Variants in ZNF367 observed in about 807,000 individuals in gnomAD.
The protein encoded by ZNF367 is zinc finger protein 367.
A neutral mutation model predicts 31.8 loss-of-function variants in ZNF367; 11 were observed. The observed-to-expected ratio is 0.35, with a 90% CI of 0.22 to 0.57. The LOEUF (loss-of-function observed/expected upper bound fraction) is 0.57, where lower values mean the gene tolerates loss of function less well. ZNF367 is among the 20% of genes least tolerant of loss of function. ZNF367 has a pLI of 0.85. For synonymous variants in ZNF367, 199 were observed against 202.4 expected, an observed-to-expected ratio of 0.98 and a Z score of 0.14; for missense variants, 353 against 484.1, an observed-to-expected ratio of 0.73 and a Z score of 2.54.
At chr9:96,397,392 C>A (rs1026034700) in intron 2 of ZNF367, among the ~76,000 whole-genome samples, 4 of 151,906 alleles carry the variant, frequency 2.6e-5, no homozygotes, top group Admixed American at 6.6e-5. Flanking sequence ...GTACCATAAT[C>A]TTGAGATGGC....
At chr9:96,416,801 T>G (rs1019179181) in intron 1 of ZNF367, among the ~76,000 whole-genome samples, 1 of 152,250 alleles carries the variant, frequency 6.6e-6, no homozygotes, top group Non-Finnish European at 1.5e-5. Context: ...GAAATACTCC[T>G]GGCTCACCTG....
chr9:96,417,694 C>T lies in ZNF367; in HGVS notation c.339G>A (p.Pro113=). Residue 113 remains proline (P), a synonymous_variant, in exon 1 of 5, where the codon CCG becomes CCA. Transcript: ENST00000375256. This position sits in a 1 kb window ranked among gnomAD's most constrained non-coding sequence, Gnocchi z 5.0. The stretch of plus-strand genomic sequence containing the variant: ...CGGCGGCGGAGGCCGAGGCGGCGGG[C>T]GGGGGCGCGCCCCGGCCACGAAGCC... The part of the protein sequence containing the change: ...HSGLRGRGAP[P]PAASASAAAS... 1.1e-5 allele frequency: 12 copies of T among 1,132,412 alleles called. No individual in the cohort carries two copies. The highest frequency in any genetic ancestry group is 1.2e-5 in the Non-Finnish European group (11 of 907,116). 70.1% of individuals were successfully genotyped at this position (1,132,412 alleles called of 1,614,324 possible).
At chr9:96,393,988 A>G (rs1831501590) in intron 3 of ZNF367, among the ~76,000 whole-genome samples, 1 of 152,246 alleles carries the variant, frequency 6.6e-6, no homozygotes, top group Admixed American at 6.5e-5. Flanking sequence ...CGGAACTTCA[A>G]ATATACTGTA....
Position 96,418,260 on chromosome 9 carries a change from C to T in ZNF367, c.-228G>A, listed in dbSNP as rs1163412110. On this transcript the variant is annotated 5_prime_UTR_variant, in exon 1 of 5. Transcript: ENST00000375256. ...AGCGCGCCCTCCGCTCTTTGTACTC[C>T]GCAGCGCAGGCTGCAGGGGTGGGAA... 3.7e-6 allele frequency: 2 copies of T among 539,276 alleles called. No individual in the cohort carries two copies. Among genetic ancestry groups the T allele is most frequent in the South Asian group, 1.9e-4 (2 of 10,810 alleles). 33.4% of individuals were successfully genotyped at this position (539,276 alleles called of 1,614,324 possible).
Position 96,410,580 on chromosome 9 carries a change from C to CA in ZNF367, c.420+7032dup, listed in dbSNP as rs1330244140. On this transcript the variant is annotated intron_variant, in intron 1 of 4. Coordinates refer to ENST00000375256, the MANE Select transcript of ZNF367 (RefSeq NM_153695.4). ...CCGTCTCAAAAAAAAAAAAAAAAAACAAAAAAAACCATAGACCAGGCACGG... is the reference window on the plus strand; with the variant it reads ...CCGTCTCAAAAAAAAAAAAAAAAAACAAAAAAAAACCATAGACCAGGCACGG... Among the ~76,000 whole-genome samples the CA allele has an allele frequency of 7.2e-4, 69 of 96,152 alleles. 1 individual carries two copies. In the South Asian group the frequency reaches 0.01, roughly 15 times the overall value. 63.1% of individuals were successfully genotyped at this position (96,152 alleles called of 152,430 possible). A position where few individuals can be genotyped will look rare whatever the true frequency, so the allele number is the denominator to read the frequency against.
intron 1 of ZNF367, among the ~76,000 whole-genome samples, chr9:96,410,357 C>T (rs1279621570): frequency 1.3e-5 from 2 of 149,810 alleles, no homozygotes; most frequent in South Asian, 4.2e-4. Flanking sequence ...GTCAGGAGAT[C>T]GAGACCATCC....
intron 1 of ZNF367, among the ~76,000 whole-genome samples, chr9:96,408,991 G>T (rs1029184085): frequency 1.2e-4 from 18 of 152,116 alleles, no homozygotes; most frequent in African/African-American, 3.9e-4. Flanking sequence ...AACGTGTCTG[G>T]GTCATAAAGA....
intron 1 of ZNF367, among the ~76,000 whole-genome samples, chr9:96,408,016 T>TAAATAAATAAATAAAC (rs927395008): frequency 6.9e-6 from 1 of 144,978 alleles, no homozygotes; most frequent in Non-Finnish European, 1.5e-5. Context: ...AATAAATAAA[T>TAAATAAATAAATAAAC]AAACGTTGGA....
chr9:96,408,227 A>T (rs920892061), intron 1 of ZNF367, among the ~76,000 whole-genome samples: 1 of 151,434 alleles, frequency 6.6e-6, no homozygotes, highest in Non-Finnish European at 1.5e-5. Flanking sequence ...AATAAATAAT[A>T]AATATTTTTT....
chr9:96,400,906 CAA>C (rs1392337094), intron 1 of ZNF367, among the ~76,000 whole-genome samples: 1 of 152,060 alleles, frequency 6.6e-6, no homozygotes, highest in Admixed American at 6.5e-5. Flanking sequence ...TGTCAAATGA[CAA>C]AAAGAATCTT....
chr9:96,410,431 G>C (rs1033926551), intron 1 of ZNF367, among the ~76,000 whole-genome samples: 1 of 150,128 alleles, frequency 6.7e-6, no homozygotes, highest in African/African-American at 2.5e-5. Flanking sequence ...GCGTGGTGGC[G>C]GGTGCCTGTA....
At chr9:96,414,989 G>GT (rs952429180) in intron 1 of ZNF367, among the ~76,000 whole-genome samples, 8 of 150,600 alleles carry the variant, frequency 5.3e-5, no homozygotes, top group East Asian at 1.9e-4. Context: ...CTAATTTAGT[G>GT]TTTTTTTTAA....
rs748682253 is a variant in ZNF367, at chr9:96,388,347, C to T, written c.943G>A (p.Asp315Asn). The part of the protein sequence containing the change: ...LEYLQSDEED[D>N]EKRGAQRRLQ... The stretch of plus-strand genomic sequence containing the variant: ...CGGCGCTGGGCCCCTCTCTTCTCGT[C>T]GTCCTCTTCATCAGACTGAAGGTAT... The change falls in exon 5 of 5, where the codon GAC (aspartate) becomes AAC (asparagine). Residue 315 changes from aspartate (D) to asparagine (N), a missense_variant. This residue lies in a region of ZNF367 where 101 missense variants were observed against 140.0 expected (regional missense o/e 0.72). Coordinates refer to ENST00000375256, the MANE Select transcript of ZNF367 (RefSeq NM_153695.4). 16 of 1,613,202 alleles carry T rather than the reference C, an allele frequency of 9.9e-6. No homozygotes were observed. Among genetic ancestry groups the T allele is most frequent in the Admixed American group, 8.3e-5 (5 of 60,004 alleles).
chr9:96,399,634 A>G (rs1019491417), intron 1 of ZNF367, among the ~76,000 whole-genome samples: 5 of 152,202 alleles, frequency 3.3e-5, no homozygotes, highest in African/African-American at 1.2e-4. Flanking sequence ...CCTGGCCAAC[A>G]TGGCGAAACC....
chr9:96,399,241 T>A (rs1039617006), intron 1 of ZNF367, among the ~76,000 whole-genome samples: 2 of 152,070 alleles, frequency 1.3e-5, no homozygotes, highest in South Asian at 4.1e-4. Flanking sequence ...AGTAGAGTTG[T>A]AAACAGCAGG....
rs935497120 is a variant in ZNF367, at chr9:96,417,365, G to C, written c.420+248C>G. Among the ~76,000 whole-genome samples, 13 of 151,958 alleles carry C rather than the reference G, an allele frequency of 8.6e-5. No homozygotes were observed. Among genetic ancestry groups the C allele is most frequent in the Non-Finnish European group, 8.8e-5 (6 of 67,956 alleles). ...TTGACCCGGCCTCCCCAGCGACCCC[G>C]GGCCGCGCTCCCGCCCACTGCACCT... On this transcript the variant is annotated intron_variant, in intron 1 of 4. Coordinates refer to ENST00000375256, the MANE Select transcript of ZNF367 (RefSeq NM_153695.4). This position sits in a 1 kb window ranked among gnomAD's most constrained non-coding sequence, Gnocchi z 5.0.
At position 96,418,059 on chromosome 9, in the gene ZNF367, G is replaced by A. The variant is rs1831860195; in HGVS notation, c.-27C>T. ...GCCCGGCCCGACCCCCAGCTCCGGC[G>A]GCCCCGGGCCGCACTCCTGAGCACC... On this transcript the variant is annotated 5_prime_UTR_variant, in exon 1 of 5. Transcript: ENST00000375256. 2.2e-6 allele frequency: 3 copies of A among 1,351,810 alleles called. No individual in the cohort carries two copies. The highest frequency in any genetic ancestry group is 3.1e-5 in the African/African-American group (2 of 65,030). 83.7% of individuals were successfully genotyped at this position (1,351,810 alleles called of 1,614,324 possible).
intron 2 of ZNF367, among the ~76,000 whole-genome samples, chr9:96,396,555 A>G (rs1831532005): frequency 6.6e-6 from 1 of 152,204 alleles, no homozygotes; most frequent in Non-Finnish European, 1.5e-5. Flanking sequence ...GTGGAAAAAA[A>G]TAGGGGACTG....
At chr9:96,397,495 T>C (rs1403103483) in intron 2 of ZNF367, among the ~76,000 whole-genome samples, 2 of 152,196 alleles carry the variant, frequency 1.3e-5, no homozygotes, top group Non-Finnish European at 2.9e-5. Context: ...AACTTGACAA[T>C]TAATGTTTTT....
Sources: allele counts gnomAD v4.1 joint callset (sites outside exome capture counted in the v4.1 genomes callset), GRCh38; gene constraint gnomAD v4.1.1; regional missense constraint gnomAD v4.1.1; non-coding constraint Gnocchi (gnomAD v3.1); transcripts MANE v1.5; gene names NCBI Gene and HGNC (gene_info 2026-07-23, HGNC 2026-07-21).